The following EPB41L3 variants were observed in gnomAD, a reference collection of about 807,000 sequenced individuals.
EPB41L3 encodes the protein erythrocyte membrane protein band 4.1 like 3, also known as band 4.1-like protein 3.
Under a neutral mutation model 127.1 loss-of-function variants are expected in EPB41L3, and 57 were observed. The ratio of observed to expected loss-of-function variants is 0.45; its 90% CI spans 0.36 to 0.56. The LOEUF (loss-of-function observed/expected upper bound fraction) is 0.56, where lower values mean the gene tolerates loss of function less well. Ranked by LOEUF, EPB41L3 falls within the 20% of genes least tolerant of loss-of-function variation. EPB41L3 has a pLI of 0.00. For synonymous variants in EPB41L3, 572 were observed against 549.5 expected, an observed-to-expected ratio of 1.04 and a Z score of -0.57; for missense variants, 1,273 against 1,372.2, an observed-to-expected ratio of 0.93 and a Z score of 1.14.
intron 16 of EPB41L3, chr18:5,400,522 T>C (rs576084729): frequency 2.2e-6 from 1 of 456,764 alleles, no homozygotes; most frequent in East Asian, 6.9e-5. Context: ...GACAGTTTTC[T>C]GGAAAATTAT....
chr18:5,442,663 G>A (rs1197126936), intron 5 of EPB41L3, among the ~76,000 whole-genome samples: 1 of 152,096 alleles, frequency 6.6e-6, no homozygotes, highest in Non-Finnish European at 1.5e-5. Context: ...TCTTTAACTA[G>A]AATTAGTTGT....
At chr18:5,449,586 CTTT>C (rs1156276705) in intron 3 of EPB41L3, among the ~76,000 whole-genome samples, 1 of 152,184 alleles carries the variant, frequency 6.6e-6, no homozygotes, top group African/African-American at 2.4e-5. Context: ...AGAAGTTCTT[CTTT>C]ATGTGAATGA....
At chr18:5,617,576 C>A (rs1223746232) in intron 1 of EPB41L3, among the ~76,000 whole-genome samples, 1 of 152,160 alleles carries the variant, frequency 6.6e-6, no homozygotes, top group Non-Finnish European at 1.5e-5. Context: ...CCTCGGCCTC[C>A]CAAAGTGCTG....
chr18:5,604,066 T>G (rs772494762), intron 3 of EPB41L3, among the ~76,000 whole-genome samples: 3 of 151,898 alleles, frequency 2.0e-5, no homozygotes, highest in Non-Finnish European at 4.4e-5. Context: ...TGCATACACA[T>G]GCCCACACAT....
chr18:5,615,404 T>G (rs1039697463), intron 1 of EPB41L3, among the ~76,000 whole-genome samples: 2 of 152,058 alleles, frequency 1.3e-5, no homozygotes, highest in African/African-American at 2.4e-5. Context: ...ACATAGAAGA[T>G]GTACACATTT....
At chr18:5,615,649 C>CAGAAT (rs1320062598) in intron 1 of EPB41L3, among the ~76,000 whole-genome samples, 1 of 152,182 alleles carries the variant, frequency 6.6e-6, no homozygotes, top group Non-Finnish European at 1.5e-5. Flanking sequence ...GCCCTCAGGG[C>CAGAAT]AGAATATTGG....
chr18:5,461,711 A>G (rs1599258340), intron 3 of EPB41L3, among the ~76,000 whole-genome samples: 1 of 152,226 alleles, frequency 6.6e-6, no homozygotes, highest in Non-Finnish European at 1.5e-5. Context: ...CCTAAATTCT[A>G]TTTATACAGA....
At chr18:5,483,827 C>T (rs1172078674) in intron 2 of EPB41L3, among the ~76,000 whole-genome samples, 2 of 151,372 alleles carry the variant, frequency 1.3e-5, no homozygotes, top group African/African-American at 4.9e-5. Flanking sequence ...ATAAAACATT[C>T]GTAAATCTAA....
At chr18:5,603,987 A>G (rs191643394) in intron 3 of EPB41L3, among the ~76,000 whole-genome samples, 1 of 152,198 alleles carries the variant, frequency 6.6e-6, no homozygotes, top group Admixed American at 6.5e-5. Context: ...CTCATTTGAT[A>G]TCTCCTTCCA....
chr18:5,398,875 C>A, intron 16 of EPB41L3: 1 of 399,262 alleles, frequency 2.5e-6, no homozygotes, highest in Non-Finnish European at 4.4e-6. Flanking sequence ...TTCTTGAGGT[C>A]ATCTTCTTCA....
chr18:5,416,863 A>C (rs1392386922), intron 12 of EPB41L3, among the ~76,000 whole-genome samples: 1 of 152,028 alleles, frequency 6.6e-6, no homozygotes, highest in Non-Finnish European at 1.5e-5. Context: ...AAAAAAAAAA[A>C]CCAATCTCTA....
intron 8 of EPB41L3, chr18:5,429,454 G>C (rs2078676065): frequency 1.3e-5 from 2 of 152,202 alleles, no homozygotes; most frequent in South Asian, 4.1e-4. Context: ...ACACAGGCAG[G>C]ATTGTAAGTG....
chr18:5,469,706 A>G (rs2085740840), intron 3 of EPB41L3, among the ~76,000 whole-genome samples: 2 of 152,152 alleles, frequency 1.3e-5, no homozygotes, highest in African/African-American at 4.8e-5. Context: ...TGACACTACT[A>G]AAACACAAGT....
chr18:5,615,278 CTG>C (rs1169729205), intron 1 of EPB41L3, among the ~76,000 whole-genome samples: 1 of 151,858 alleles, frequency 6.6e-6, no homozygotes, highest in Admixed American at 6.6e-5. Context: ...AGGAGAGAAA[CTG>C]TGATTTCACA....
intron 3 of EPB41L3, among the ~76,000 whole-genome samples, chr18:5,591,485 C>T (rs1351645497): frequency 6.6e-6 from 1 of 152,170 alleles, no homozygotes; most frequent in Non-Finnish European, 1.5e-5. Context: ...ATGGGGGCTC[C>T]ACCCTCATGA....
At chr18:5,609,446 GACC>G (rs1165631492) in intron 3 of EPB41L3, among the ~76,000 whole-genome samples, 2 of 152,262 alleles carry the variant, frequency 1.3e-5, no homozygotes, top group East Asian at 3.9e-4. Flanking sequence ...TCTACCAGCA[GACC>G]ACAACCCTCC....
At chr18:5,566,289 G>A (rs377092667) in intron 3 of EPB41L3, among the ~76,000 whole-genome samples, 2 of 152,132 alleles carry the variant, frequency 1.3e-5, no homozygotes, top group African/African-American at 4.8e-5. Flanking sequence ...AAATCAATGT[G>A]CAAAAATCAC....
At chr18:5,395,529 A>C in intron 20 of EPB41L3, 80 bp downstream of exon 20, 10 of 1,356,548 alleles carry the variant, frequency 7.4e-6, no homozygotes, top group Non-Finnish European at 1.0e-5. Flanking sequence ...TGTGCAGCCC[A>C]ACCTGTGAGG....
intron 2 of EPB41L3, among the ~76,000 whole-genome samples, chr18:5,480,462 G>A (rs7233031): frequency 0.71 from 106,972 of 151,718 alleles, 37,823 homozygotes; most frequent in Middle Eastern, 0.76. Flanking sequence ...AGAGAGACAT[G>A]GGGAGCCTAA....
Sources: allele counts gnomAD v4.1 joint callset (sites outside exome capture counted in the v4.1 genomes callset), GRCh38; gene constraint gnomAD v4.1.1; transcripts MANE v1.5; gene names NCBI Gene and HGNC (gene_info 2026-07-23, HGNC 2026-07-21).